The following SLC36A1 variants were observed in gnomAD, a reference collection of about 807,000 sequenced individuals.
SLC36A1 encodes the protein solute carrier family 36 member 1.
Under a neutral mutation model 47.5 loss-of-function variants are expected in SLC36A1, and 30 were observed. The observed-to-expected ratio is 0.63, with a 90% CI of 0.47 to 0.86. The LOEUF (loss-of-function observed/expected upper bound fraction) is 0.86, where lower values mean the gene tolerates loss of function less well. Ranked by LOEUF, SLC36A1 falls within the 40% of genes least tolerant of loss-of-function variation. The pLI, the probability that SLC36A1 is intolerant of heterozygous loss-of-function variation, is 0.00. For synonymous variants in SLC36A1, 255 were observed against 249.7 expected, an observed-to-expected ratio of 1.02 and a Z score of -0.20; for missense variants, 517 against 606.0, an observed-to-expected ratio of 0.85 and a Z score of 1.54.
chr5:151,381,091 T>A, the SLC36A1 span: 2 of 486,272 alleles, frequency 4.1e-6, no homozygotes, highest in Admixed American at 2.7e-5. Flanking sequence ...CACACGACCA[T>A]GTCACCACCT....
chr5:151,370,995 T>C, the SLC36A1 span, among the ~76,000 whole-genome samples: 1 of 152,048 alleles, frequency 6.6e-6, no homozygotes, highest in Non-Finnish European at 1.5e-5. Flanking sequence ...CTCAAAATAA[T>C]AATAATAATA....
At chr5:151,523,652 TAC>T in the SLC36A1 span, among the ~76,000 whole-genome samples, 54 of 152,180 alleles carry the variant, frequency 3.5e-4, no homozygotes, top group African/African-American at 1.2e-3. Context: ...GGTCTGAGAA[TAC>T]AGAGGTCAGG....
chr5:151,551,561 C>G, the SLC36A1 span: 1 of 1,614,236 alleles, frequency 6.2e-7, no homozygotes, highest in South Asian at 1.1e-5. Flanking sequence ...AATGACGATG[C>G]TGCCTGTGGT....
In SLC36A1 at chr5:151,487,781, G is replaced by T. The variant is rs115664251; in HGVS notation, c.1160-202G>T. Among the ~76,000 whole-genome samples the T allele has an allele frequency of 9.6e-3, 1,460 of 152,348 alleles. 20 individuals carry two copies. The highest frequency in any genetic ancestry group is 0.033 in the African/African-American group (1,380 of 41,580). ...CCAGAAGATCCGGGTTCCGGTCCCAGTTCTGCTGACCTTGCAGTGGGACGC... is the reference window on the plus strand; with the variant it reads ...CCAGAAGATCCGGGTTCCGGTCCCATTTCTGCTGACCTTGCAGTGGGACGC... On this transcript the variant is annotated intron_variant, in intron 10 of 10. Transcript: ENST00000243389.
At chr5:151,347,627 C>A in the SLC36A1 span, 1 of 715,952 alleles carries the variant, frequency 1.4e-6, no homozygotes, top group South Asian at 1.8e-5. Flanking sequence ...GAGGGCACCT[C>A]TTCCTGCCTG....
intron 1 of SLC36A1, among the ~76,000 whole-genome samples, chr5:151,437,624 GTACTT>G (rs1020008100): frequency 2.6e-5 from 4 of 151,766 alleles, no homozygotes; most frequent in African/African-American, 9.7e-5. Context: ...TTAAATTCTC[GTACTT>G]TACTTCTCAA....
intron 6 of SLC36A1, 21 bp downstream of exon 6, chr5:151,467,304 G>GAA (rs373057431): frequency 0.026 from 20,912 of 794,800 alleles, 104 homozygotes; most frequent in South Asian, 0.061. Flanking sequence ...GGTTAAAAAA[G>GAA]AAAAAAAAAA....
At chr5:151,399,501 G>A in the SLC36A1 span, among the ~76,000 whole-genome samples, 1 of 152,070 alleles carries the variant, frequency 6.6e-6, no homozygotes, top group Non-Finnish European at 1.5e-5. Context: ...GATTTAATTC[G>A]AAAGGTTCAG....
At chr5:151,370,152 T>A in the SLC36A1 span, among the ~76,000 whole-genome samples, 1 of 152,210 alleles carries the variant, frequency 6.6e-6, no homozygotes, top group Non-Finnish European at 1.5e-5. Flanking sequence ...CTGAACTCAC[T>A]GGAAATTTAA....
At chr5:151,405,240 G>T in the SLC36A1 span, among the ~76,000 whole-genome samples, 1 of 150,042 alleles carries the variant, frequency 6.7e-6, no homozygotes, top group South Asian at 2.1e-4. Flanking sequence ...GAATAATTTA[G>T]TTCCTTCTTA....
At chr5:151,365,723 A>G in the SLC36A1 span, among the ~76,000 whole-genome samples, 6 of 152,224 alleles carry the variant, frequency 3.9e-5, no homozygotes, top group African/African-American at 1.4e-4. Context: ...TACTAACTGT[A>G]TGAGTTAGCA....
the SLC36A1 span, among the ~76,000 whole-genome samples, chr5:151,370,251 A>G: frequency 6.6e-6 from 1 of 152,380 alleles, no homozygotes; most frequent in East Asian, 1.9e-4. Context: ...GTCTGGGCCA[A>G]GCCAGTATAT....
chr5:151,420,389 G>C, the SLC36A1 span, among the ~76,000 whole-genome samples: 1 of 152,164 alleles, frequency 6.6e-6, no homozygotes, highest in Non-Finnish European at 1.5e-5. Context: ...AGTGAGCTGA[G>C]GACAGAGTCA....
At position 151,452,976 on chromosome 5, in the gene SLC36A1, T is replaced by C. The variant is rs1052862608; in HGVS notation, c.-6+5163T>C. Among the ~76,000 whole-genome samples the C allele has an allele frequency of 5.9e-5, 9 of 151,594 alleles. No individual in the cohort carries two copies. In the South Asian group the frequency reaches 8.3e-4, roughly 14 times the overall value. ...CAGCACTTTGGGAGGCCAAGGTGGG[T>C]GGACCACCTGAGGTCAAGAGTTTGA... On this transcript the variant is annotated intron_variant, in intron 1 of 10. Transcript: ENST00000243389.
chr5:151,420,186 G>A, the SLC36A1 span, among the ~76,000 whole-genome samples: 635 of 152,284 alleles, frequency 4.2e-3, 9 homozygotes, highest in African/African-American at 0.015. Context: ...GTGCCAACTC[G>A]TTGAACAAGT....
chr5:151,389,198 C>T, the SLC36A1 span, among the ~76,000 whole-genome samples: 3 of 152,262 alleles, frequency 2.0e-5, no homozygotes, highest in East Asian at 5.8e-4. Flanking sequence ...CTTCCTGTGC[C>T]TGATGTTGTA....
chr5:151,525,785 A>G, the SLC36A1 span: 1 of 1,614,118 alleles, frequency 6.2e-7, no homozygotes, highest in Admixed American at 1.7e-5. Flanking sequence ...TGAAGCTGAT[A>G]CCATTCCTGA....
At chr5:151,462,146 A>G (rs1434943901) in intron 2 of SLC36A1, among the ~76,000 whole-genome samples, 1 of 152,208 alleles carries the variant, frequency 6.6e-6, no homozygotes. Flanking sequence ...TAGGAAAAAA[A>G]ACCAACTTGT....
chr5:151,424,441 C>T, the SLC36A1 span, among the ~76,000 whole-genome samples: 1 of 152,190 alleles, frequency 6.6e-6, no homozygotes, highest in Admixed American at 6.5e-5. Flanking sequence ...ACAAGATGGA[C>T]TTCCAAGTCA....
Sources: gnomAD v4.1 joint callset for allele counts (sites outside exome capture counted in the v4.1 genomes callset) on GRCh38, gnomAD v4.1.1 for gene constraint, MANE v1.5 for transcripts, NCBI Gene and HGNC (gene_info 2026-07-23, HGNC 2026-07-21) for gene names.